The following ACO1 variants were observed in gnomAD, a reference collection of about 807,000 sequenced individuals.
ACO1 encodes the protein cytoplasmic aconitate hydratase.
In ACO1, 78 loss-of-function variants were observed where a neutral mutation model predicts 105.1. The ratio of observed to expected loss-of-function variants is 0.74; its 90% CI spans 0.62 to 0.90. ACO1 has a LOEUF of 0.90. ACO1 is among the 40% of genes least tolerant of loss of function. The probability of loss-of-function intolerance (pLI) is 0.00; values close to 1 mark genes in which losing one functional copy is unlikely to be tolerated. For missense variants in ACO1, 965 were observed against 1,111.1 expected (o/e 0.87, Z 1.87); for synonymous variants, 364 against 397.4 (o/e 0.92, Z 1.00).
At chr9:32,414,502 C>A (rs1587530004) in intron 4 of ACO1, among the ~76,000 whole-genome samples, 1 of 152,202 alleles carries the variant, frequency 6.6e-6, no homozygotes, top group East Asian at 1.9e-4. Context: ...TAGGGTTTTA[C>A]CTGGAATTAC....
Position 32,402,115 on chromosome 9 carries a change from G to A in ACO1, c.-22-3370G>A, listed in dbSNP as rs150251037. Reference sequence around the variant, plus strand: ...AGCTGTCTTCATCATTCTGACAAGCGTCCCGGAGGGACAAGTTCTGAATAA... The same window carrying A: ...AGCTGTCTTCATCATTCTGACAAGCATCCCGGAGGGACAAGTTCTGAATAA... On this transcript the variant is annotated intron_variant, in intron 1 of 20. Coordinates refer to ENST00000309951, the MANE Select transcript of ACO1 (RefSeq NM_002197.3). 3.2e-3 allele frequency among the ~76,000 whole-genome samples: 487 copies of A among 152,270 alleles called. 1 individual carries two copies. The highest frequency in any genetic ancestry group is 0.011 in the African/African-American group (454 of 41,556).
At chr9:32,447,887 A>G (rs1338396773) in intron 19 of ACO1, among the ~76,000 whole-genome samples, 2 of 152,154 alleles carry the variant, frequency 1.3e-5, no homozygotes, top group Non-Finnish European at 2.9e-5. Flanking sequence ...CCTGGGTATC[A>G]CCAGCGGAAG....
At chr9:32,424,298 G>T (rs1417305306) in intron 9 of ACO1, among the ~76,000 whole-genome samples, 1 of 152,196 alleles carries the variant, frequency 6.6e-6, no homozygotes, top group Non-Finnish European at 1.5e-5. Context: ...CACCCACCCT[G>T]TTCTTTCTGA....
intron 4 of ACO1, among the ~76,000 whole-genome samples, chr9:32,409,019 T>G (rs1000080429): frequency 6.6e-6 from 1 of 152,180 alleles, no homozygotes; most frequent in Non-Finnish European, 1.5e-5. Context: ...CTCCTTTTTT[T>G]GATCCCAAGT....
In ACO1 at chr9:32,448,971, C is replaced by G. The variant is rs1427481705; in HGVS notation, c.2446C>G (p.Leu816Val). The G allele has an allele frequency of 3.1e-6, 5 of 1,614,220 alleles. No individual in the cohort carries two copies. Among genetic ancestry groups the G allele is most frequent in the Non-Finnish European group, 4.2e-6 (5 of 1,180,032 alleles). Residue 816 changes from leucine (L) to valine (V), a missense_variant, in exon 20 of 21, where the codon CTT becomes GTT. Physicochemically the swap from Leu to Val is conservative, Grantham distance 32. Coordinates refer to ENST00000309951, the MANE Select transcript of ACO1 (RefSeq NM_002197.3). ...CCTGGTTGGGATGGGTGTGATCCCACTTGAATATCTCCCTGGTGAGAATGC... is the reference window on the plus strand; with the variant it reads ...CCTGGTTGGGATGGGTGTGATCCCAGTTGAATATCTCCCTGGTGAGAATGC... ...SNLVGMGVIP[L>V]EYLPGENADA...
intron 4 of ACO1, among the ~76,000 whole-genome samples, chr9:32,411,999 G>C (rs939184845): frequency 2.6e-5 from 4 of 152,036 alleles, no homozygotes; most frequent in Non-Finnish European, 2.9e-5. Context: ...TCAGCCTTCC[G>C]AGTAGCTGTG....
At chr9:32,393,733 A>T (rs568885537) in intron 1 of ACO1, among the ~76,000 whole-genome samples, 2 of 152,016 alleles carry the variant, frequency 1.3e-5, no homozygotes, top group East Asian at 3.9e-4. Flanking sequence ...CTTTCCCTTT[A>T]TTTCTCAGAC....
intron 8 of ACO1, among the ~76,000 whole-genome samples, chr9:32,422,739 A>G (rs946181290): frequency 6.6e-6 from 1 of 152,200 alleles, no homozygotes; most frequent in East Asian, 1.9e-4. Flanking sequence ...TACATGAGAA[A>G]GTTACTTAGT....
intron 1 of ACO1, chr9:32,386,588 T>C (rs1265779447): frequency 6.6e-6 from 1 of 152,250 alleles, no homozygotes; most frequent in African/African-American, 2.4e-5. Context: ...CCTCTTGTGC[T>C]CTGATGGATC....
At position 32,454,140 on chromosome 9, in the gene ACO1, C is replaced by T. The variant is rs1001158087; in HGVS notation, c.*4029C>T. On this transcript the variant is annotated 3_prime_UTR_variant, in exon 21 of 21. Coordinates refer to ENST00000309951, the MANE Select transcript of ACO1 (RefSeq NM_002197.3). ...CCACGGTCAGTACATTTGGGAACCA[C>T]TGAGTTAAATGGGTTTTATCACTGC... is the stretch of plus-strand genomic sequence containing the variant. 3 of 152,262 alleles carry T rather than the reference C, an allele frequency of 2.0e-5. No individual in the cohort carries two copies. The highest frequency in any genetic ancestry group is 3.4e-3 in the Middle Eastern group (1 of 294). 9.4% of individuals were successfully genotyped at this position (152,262 alleles called of 1,614,324 possible). A position where few individuals can be genotyped will look rare whatever the true frequency, so the allele number is the denominator to read the frequency against.
In ACO1 at chr9:32,452,997, C is replaced by T. The variant is rs1367358099; in HGVS notation, c.*2886C>T. 1.5e-5 allele frequency: 2 copies of T among 129,456 alleles called. No individual in the cohort carries two copies. Among genetic ancestry groups the T allele is most frequent in the Non-Finnish European group, 1.6e-5 (1 of 61,700 alleles). The allele number at this position is 129,456 out of a possible 1,614,324, so 8.0% of individuals were successfully genotyped here. Reference sequence around the variant, plus strand: ...CCCCCCAAAAAAAAAAGTATCTTGGCCAGTGTCTCAACCTTGCCCACTAAC... The same window carrying T: ...CCCCCCAAAAAAAAAAGTATCTTGGTCAGTGTCTCAACCTTGCCCACTAAC... On this transcript the variant is annotated 3_prime_UTR_variant, in exon 21 of 21. Coordinates refer to ENST00000309951, the MANE Select transcript of ACO1 (RefSeq NM_002197.3).
At chr9:32,443,054 C>A (rs1432944375) in intron 19 of ACO1, among the ~76,000 whole-genome samples, 1 of 151,842 alleles carries the variant, frequency 6.6e-6, no homozygotes, top group Non-Finnish European at 1.5e-5. Flanking sequence ...CTTACAAAGT[C>A]TTTTGTTTAT....
At chr9:32,418,972 A>G (rs971818538) in intron 6 of ACO1, 66 bp from the exon 7 acceptor site, 23 of 1,464,472 alleles carry the variant, frequency 1.6e-5, no homozygotes, top group Non-Finnish European at 2.1e-5. Flanking sequence ...ATGTCACTAA[A>G]TTTATACCTG....
intron 20 of ACO1, among the ~76,000 whole-genome samples, chr9:32,449,730 A>G (rs1021052018): frequency 6.6e-6 from 1 of 152,168 alleles, no homozygotes; most frequent in Non-Finnish European, 1.5e-5. Flanking sequence ...AGCTATTTCT[A>G]GTTCTTAGAT....
chr9:32,419,830 T>C (rs75889190), intron 7 of ACO1, among the ~76,000 whole-genome samples: 3,472 of 152,334 alleles, frequency 0.023, 125 homozygotes, highest in African/African-American at 0.079. Flanking sequence ...TTGCTTGTTT[T>C]GTAAAAAGGC....
intron 10 of ACO1, 95 bp downstream of exon 10, chr9:32,424,760 C>A: frequency 1.2e-6 from 1 of 818,988 alleles, no homozygotes; most frequent in Non-Finnish European, 2.0e-6. Flanking sequence ...CATGAATCTT[C>A]CTGTAGCCTG....
chr9:32,427,453 T>G lies in ACO1; in HGVS notation c.1484+17T>G, dbSNP rs1822126168. 1 of 1,614,024 alleles carries G rather than the reference T, an allele frequency of 6.2e-7. No individual in the cohort carries two copies. The highest frequency in any genetic ancestry group is 1.1e-5 in the South Asian group (1 of 91,080). On this transcript the variant is annotated intron_variant, in intron 12 of 20. Coordinates refer to ENST00000309951, the MANE Select transcript of ACO1 (RefSeq NM_002197.3). ...TCAGCTTGGGTGAGGGAGAGTTTTC[T>G]TTTGCACCATTGCTTTTGTTGAATT... is the stretch of plus-strand genomic sequence containing the variant.
chr9:32,398,700 C>A (rs1269212166), intron 1 of ACO1, among the ~76,000 whole-genome samples: 1 of 151,944 alleles, frequency 6.6e-6, no homozygotes, highest in Non-Finnish European at 1.5e-5. Flanking sequence ...CTCCAGCGAT[C>A]CTCCCACCTC....
At chr9:32,447,282 C>CTAATCTTTTCTTATTGCTTT (rs1335646570) in intron 19 of ACO1, among the ~76,000 whole-genome samples, 1 of 152,086 alleles carries the variant, frequency 6.6e-6, no homozygotes, top group African/African-American at 2.4e-5. Flanking sequence ...TCTTTTTTCT[C>CTAATCTTTTCTTATTGCTTT]TAATCTTTTC....
Sources: allele counts gnomAD v4.1 joint callset (sites outside exome capture counted in the v4.1 genomes callset), GRCh38; gene constraint gnomAD v4.1.1; transcripts MANE v1.5; gene names NCBI Gene and HGNC (gene_info 2026-07-23, HGNC 2026-07-21).